CHST9: variants seen among roughly 807,000 people sequenced by gnomAD.
CHST9 encodes carbohydrate sulfotransferase 9.
In CHST9, 41 loss-of-function variants were observed where a neutral mutation model predicts 44.4. That is an observed-to-expected ratio of 0.92 (90% CI 0.72 to 1.20). CHST9 has a LOEUF of 1.20. CHST9 is among the 50% of genes most tolerant of loss of function. CHST9 has a pLI of 0.00. For missense variants in CHST9, 504 were observed against 516.5 expected (o/e 0.98, Z 0.23); for synonymous variants, 171 against 178.4 (o/e 0.96, Z 0.33).
chr18:27,044,746 T>C (rs983428339), intron 3 of CHST9, among the ~76,000 whole-genome samples: 3 of 152,024 alleles, frequency 2.0e-5, no homozygotes, highest in African/African-American at 7.2e-5. Flanking sequence ...AGAAAAATCA[T>C]GCTAAATGTG....
intron 2 of CHST9, among the ~76,000 whole-genome samples, chr18:27,137,173 TAAG>T (rs1334813449): frequency 1.5e-4 from 23 of 151,852 alleles, no homozygotes; most frequent in African/African-American, 4.8e-4. Context: ...AGAAAATGAA[TAAG>T]AAGGAGAGAT....
Position 27,142,711 on chromosome 18 carries a change from G to T in CHST9, c.99C>A (p.Val33=). 1 of 1,609,016 alleles carries T rather than the reference G, an allele frequency of 6.2e-7. No individual in the cohort carries two copies. The highest frequency in any genetic ancestry group is 1.1e-5 in the South Asian group (1 of 89,456). The change falls in exon 2 of 6, where the codon GTC becomes GTA. Residue 33 remains valine, a synonymous_variant. Transcript: ENST00000618847. ...TACCTGTATGTTGTTCTTCAATCCAGACTTGCAAATACATGAAGAGGAGTA... is the reference window on the plus strand; with the variant it reads ...TACCTGTATGTTGTTCTTCAATCCATACTTGCAAATACATGAAGAGGAGTA... ...AGLLLFMYLQ[V]WIEEQHTGRV...
At chr18:27,124,899 G>C (rs977037835) in intron 2 of CHST9, among the ~76,000 whole-genome samples, 2 of 152,180 alleles carry the variant, frequency 1.3e-5, no homozygotes, top group Non-Finnish European at 2.9e-5. Flanking sequence ...TTCTGGCAGA[G>C]TGATAATAAG....
At chr18:26,951,732 A>G (rs1166208538) in intron 4 of CHST9, among the ~76,000 whole-genome samples, 1 of 152,248 alleles carries the variant, frequency 6.6e-6, no homozygotes, top group Non-Finnish European at 1.5e-5. Context: ...TAGATTTTAG[A>G]TCACATTTAT....
At chr18:26,944,204 C>T in intron 5 of CHST9, 125 bp downstream of exon 5, 2 of 723,192 alleles carry the variant, frequency 2.8e-6, no homozygotes, top group East Asian at 2.7e-5. Flanking sequence ...TTCCCCAGAA[C>T]CAATAACATA....
intron 2 of CHST9, among the ~76,000 whole-genome samples, chr18:27,053,267 GGA>G (rs2057605098): frequency 1.8e-5 from 2 of 109,258 alleles, no homozygotes; most frequent in African/African-American, 7.1e-5. Flanking sequence ...AGAAGGAGAA[GGA>G]GAAGGAGAAG....
intron 3 of CHST9, among the ~76,000 whole-genome samples, chr18:27,044,855 T>C (rs2057481671): frequency 1.3e-5 from 2 of 152,026 alleles, no homozygotes; most frequent in Non-Finnish European, 2.9e-5. Flanking sequence ...CTTAACTATT[T>C]TTTTTATCCT....
intron 2 of CHST9, among the ~76,000 whole-genome samples, chr18:27,068,328 AT>A (rs1357659126): frequency 6.6e-6 from 1 of 151,286 alleles, no homozygotes; most frequent in Non-Finnish European, 1.5e-5. Flanking sequence ...CTATTCATTT[AT>A]TTCTTTTATT....
At chr18:27,130,709 T>C (rs1020721060) in intron 2 of CHST9, among the ~76,000 whole-genome samples, 2 of 152,130 alleles carry the variant, frequency 1.3e-5, no homozygotes, top group Non-Finnish European at 2.9e-5. Context: ...TGTGCATCAG[T>C]TGGAGAATGT....
intron 4 of CHST9, among the ~76,000 whole-genome samples, chr18:27,010,835 A>C (rs2057075001): frequency 6.6e-6 from 1 of 152,208 alleles, no homozygotes; most frequent in South Asian, 2.1e-4. Flanking sequence ...CACCAGCTGC[A>C]GAAGCTATAG....
chr18:26,924,815 C>T (rs1004513872), intron 5 of CHST9: 2 of 152,198 alleles, frequency 1.3e-5, no homozygotes, highest in African/African-American at 4.8e-5. Flanking sequence ...GACTGCATTT[C>T]CAACAGACCC....
intron 2 of CHST9, among the ~76,000 whole-genome samples, chr18:27,093,794 T>C (rs537967265): frequency 4.6e-5 from 7 of 152,112 alleles, no homozygotes; most frequent in Admixed American, 2.6e-4. Flanking sequence ...GGTACCTCAG[T>C]TGGAAATGCA....
At chr18:27,032,401 G>T (rs543554008) in intron 3 of CHST9, among the ~76,000 whole-genome samples, 2 of 152,134 alleles carry the variant, frequency 1.3e-5, no homozygotes, top group Non-Finnish European at 2.9e-5. Flanking sequence ...TCATAGATCA[G>T]AAAAAGAGTA....
At chr18:27,148,574 A>G (rs2058634059) in intron 1 of CHST9, among the ~76,000 whole-genome samples, 1 of 150,282 alleles carries the variant, frequency 6.7e-6, no homozygotes, top group South Asian at 2.2e-4. Flanking sequence ...ATGTCCCTAC[A>G]AAGGACATGA....
intron 2 of CHST9, among the ~76,000 whole-genome samples, chr18:27,126,365 G>A (rs975244705): frequency 5.3e-5 from 8 of 152,152 alleles, no homozygotes; most frequent in Non-Finnish European, 7.4e-5. Flanking sequence ...CCCCAGTGCC[G>A]CCATCACAGA....
chr18:27,023,621 C>T (rs2057249799), intron 4 of CHST9, among the ~76,000 whole-genome samples: 1 of 152,144 alleles, frequency 6.6e-6, no homozygotes, highest in Admixed American at 6.5e-5. Context: ...TTTCACTTAG[C>T]AAATCCATTC....
At chr18:27,172,085 A>T (rs945019263) in intron 1 of CHST9, among the ~76,000 whole-genome samples, 3 of 152,178 alleles carry the variant, frequency 2.0e-5, no homozygotes, top group Admixed American at 2.0e-4. Context: ...CGGATTTATT[A>T]TCAAAAGTTT....
At chr18:27,100,529 G>T (rs552294625) in intron 2 of CHST9, among the ~76,000 whole-genome samples, 7 of 152,194 alleles carry the variant, frequency 4.6e-5, no homozygotes, top group African/African-American at 9.7e-5. Context: ...TAGGGAAAGG[G>T]GGGCACTGAT....
At chr18:27,084,066 A>G (rs891080236) in intron 2 of CHST9, among the ~76,000 whole-genome samples, 2 of 149,352 alleles carry the variant, frequency 1.3e-5, no homozygotes, top group African/African-American at 2.5e-5. Context: ...GGATTTTTGT[A>G]TCTATGTTCA....
Sources: allele counts gnomAD v4.1 joint callset (sites outside exome capture counted in the v4.1 genomes callset), GRCh38; gene constraint gnomAD v4.1.1; transcripts MANE v1.5; gene names NCBI Gene and HGNC (gene_info 2026-07-23, HGNC 2026-07-21).